COMMD5: variants seen among roughly 807,000 people sequenced by gnomAD.
The protein encoded by COMMD5 is COMM domain-containing protein 5.
COMMD5 carries 10 observed loss-of-function variants against 6.9 expected under a neutral mutation model. That is an observed-to-expected ratio of 1.44 (90% CI 0.89 to 2.45). COMMD5 has a LOEUF of 2.45. Among genes scored for constraint, COMMD5 ranks in the 30% most tolerant of loss-of-function variants. COMMD5 has a pLI of 0.00. For synonymous variants in COMMD5, 127 were observed against 125.3 expected (o/e 1.01, Z -0.09); for missense variants, 234 against 287.8 (o/e 0.81, Z 1.35).
intron 1 of COMMD5, chr8:144,841,909 C>T (rs1001017319): frequency 5.0e-6 from 8 of 1,614,066 alleles, no homozygotes; most frequent in Non-Finnish European, 5.9e-6. Flanking sequence ...GCTTAATCAG[C>T]ATCAGAGAAT....
Position 144,851,341 on chromosome 8 carries a change from C to A in COMMD5, c.-3G>T. The A allele has an allele frequency of 1.3e-6, 2 of 1,598,112 alleles. No individual in the cohort carries two copies. The highest frequency in any genetic ancestry group is 1.7e-5 in the Admixed American group (1 of 59,150). On this transcript the variant is annotated 5_prime_UTR_variant, in exon 2 of 2. Transcript: ENST00000305103. ...GTTGCAGCCCCCACAGCAGACATTG[C>A]TGCTGCTTCCTCTTTGATCAGCCAG...
downstream of COMMD5, among the ~76,000 whole-genome samples, chr8:144,839,320 G>T (rs548931785): frequency 6.6e-6 from 1 of 152,392 alleles, no homozygotes; most frequent in East Asian, 1.9e-4. Context: ...CAGGAAGTCT[G>T]CATGTGATGT....
At chr8:144,842,067 C>G in intron 1 of COMMD5, 1 of 1,613,956 alleles carries the variant, frequency 6.2e-7, no homozygotes, top group Non-Finnish European at 8.5e-7. Flanking sequence ...AGAGCTCAAG[C>G]CTCATCCACC....
chr8:144,851,504 A>C, intron 1 of COMMD5, 109 bp from the exon 2 acceptor site: 3 of 761,772 alleles, frequency 3.9e-6, no homozygotes, highest in East Asian at 2.7e-5. Flanking sequence ...TGAACTACCA[A>C]TGACAGTCAG....
At chr8:144,848,161 C>T (rs145550836), downstream of COMMD5, among the ~76,000 whole-genome samples, 1,335 of 152,186 alleles carry the variant, frequency 8.8e-3, 22 homozygotes, top group African/African-American at 0.03. Flanking sequence ...GCCTGGGCAA[C>T]GTGGCAAAAC....
exon 2 of COMMD5, chr8:144,841,175 T>G (rs993821963): frequency 2.8e-5 from 19 of 666,818 alleles, no homozygotes; most frequent in African/African-American, 1.8e-4. Flanking sequence ...AGGTAAAAAG[T>G]ATGAAACCAC....
chr8:144,841,977 C>A (rs761844142), intron 1 of COMMD5: 21 of 1,614,126 alleles, frequency 1.3e-5, no homozygotes, highest in Admixed American at 1.7e-5. Context: ...TCCGCCTGAG[C>A]TCAAAACTTA....
intron 1 of COMMD5, 21 bp downstream of exon 1, chr8:144,852,818 C>T (rs1586866566): frequency 6.6e-6 from 1 of 152,306 alleles, no homozygotes; most frequent in African/African-American, 2.4e-5. Flanking sequence ...TCGCCGCCCC[C>T]ACGGTTCGGG....
At chr8:144,852,268 C>G (rs1830780989) in intron 1 of COMMD5, 1 of 152,270 alleles carries the variant, frequency 6.6e-6, no homozygotes, top group South Asian at 2.1e-4. Context: ...CTAGACCTGT[C>G]TATTCAGAAG....
At chr8:144,841,956 T>C in intron 1 of COMMD5, 2 of 1,614,154 alleles carry the variant, frequency 1.2e-6, no homozygotes, top group South Asian at 1.1e-5. Flanking sequence ...GCACTGAGTG[T>C]GGAAAAGCCT....
In COMMD5 at chr8:144,851,315, A is replaced by T. The variant is rs1335940988; in HGVS notation, c.24T>A (p.Thr8=). The T allele has an allele frequency of 1.2e-6, 2 of 1,611,774 alleles. No individual in the cohort carries two copies. The highest frequency in any genetic ancestry group is 1.7e-6 in the Non-Finnish European group (2 of 1,178,442). The change falls in exon 2 of 2, where the codon ACT becomes ACA. Residue 8 remains threonine, a synonymous_variant. Coordinates refer to ENST00000305103, the MANE Select transcript of COMMD5 (RefSeq NM_014066.4). MSAVGAA[T]PYLHHPGDSH... Reference sequence around the variant, plus strand: ...TATCACCAGGATGATGCAGGTATGGAGTTGCAGCCCCCACAGCAGACATTG... The same window carrying T: ...TATCACCAGGATGATGCAGGTATGGTGTTGCAGCCCCCACAGCAGACATTG...
At chr8:144,848,867 A>G (rs565081554), downstream of COMMD5, among the ~76,000 whole-genome samples, 6 of 152,278 alleles carry the variant, frequency 3.9e-5, no homozygotes, top group African/African-American at 1.4e-4. Context: ...TGCCAGCCCC[A>G]GTCCCAGGAA....
intron 1 of COMMD5, chr8:144,843,347 T>A (rs191250917): frequency 4.6e-5 from 33 of 723,652 alleles, no homozygotes; most frequent in Non-Finnish European, 6.7e-5. Flanking sequence ...CCCAGCACTT[T>A]GGGAGGCCAA....
downstream of COMMD5, chr8:144,838,056 GC>G (rs34966207): frequency 0.053 from 37,351 of 702,602 alleles, 4,106 homozygotes; most frequent in African/African-American, 0.35. Context: ...GCAGGGCCGT[GC>G]CCCCCTGTGA....
At chr8:144,838,082 G>T, downstream of COMMD5, 1 of 703,008 alleles carries the variant, frequency 1.4e-6, no homozygotes, top group East Asian at 2.7e-5. Flanking sequence ...TTTAGGGAAG[G>T]ATCCTGTCCT....
At position 144,841,720 on chromosome 8, in the gene COMMD5, A is replaced by G. The variant is rs1331788290; in HGVS notation, c.*140T>C. Reference sequence around the variant, plus strand: ...GAGATGCGAGGAGTGTGGCAAAGGCATCAGAGCCACTTCAGATATCGCTCT... The same window carrying G: ...GAGATGCGAGGAGTGTGGCAAAGGCGTCAGAGCCACTTCAGATATCGCTCT... On this transcript the variant is annotated 3_prime_UTR_variant and NMD_transcript_variant, in exon 2 of 2. Transcript: ENST00000530332. 11 of 1,614,076 alleles carry G rather than the reference A, an allele frequency of 6.8e-6. No individual in the cohort carries two copies. In the Admixed American group the frequency reaches 1.8e-4, roughly 27 times the overall value.
intron 1 of COMMD5, chr8:144,843,338 C>A (rs1830227821): frequency 3.7e-6 from 3 of 812,400 alleles, no homozygotes; most frequent in Non-Finnish European, 5.4e-6. Flanking sequence ...GCCTGTCATC[C>A]CAGCACTTTG....
chr8:144,844,720 A>C (rs1340888882), intron 1 of COMMD5, among the ~76,000 whole-genome samples: 5 of 56,940 alleles, frequency 8.8e-5, no homozygotes, highest in Admixed American at 8.1e-4. Context: ...AAAAAAAAAA[A>C]AAAAAAAAAA....
chr8:144,851,762 C>G (rs1395405429), intron 1 of COMMD5, among the ~76,000 whole-genome samples: 1 of 152,160 alleles, frequency 6.6e-6, no homozygotes. Context: ...ACAGACCACA[C>G]TGAGACCATT....
Sources: allele counts gnomAD v4.1 joint callset (sites outside exome capture counted in the v4.1 genomes callset), GRCh38; gene constraint gnomAD v4.1.1; transcripts MANE v1.5; gene names NCBI Gene and HGNC (gene_info 2026-07-23, HGNC 2026-07-21).